Variants in MED12L observed in about 807,000 individuals in gnomAD.
The protein encoded by MED12L is mediator of RNA polymerase II transcription subunit 12-like protein.
Under a neutral mutation model 281.3 loss-of-function variants are expected in MED12L, and 60 were observed. The observed-to-expected ratio is 0.21, with a 90% confidence interval of 0.17 to 0.26. The LOEUF is 0.26. Among genes scored for constraint, MED12L ranks in the 10% least tolerant of loss-of-function variants. The pLI, the probability that MED12L is intolerant of heterozygous loss-of-function variation, is 1.00. For missense variants in MED12L, 2,146 were observed against 2,680.9 expected (o/e 0.80, Z 4.41); for synonymous variants, 974 against 987.2 (o/e 0.99, Z 0.25).
At chr3:151,157,642 T>C (rs934044079) in intron 6 of MED12L, among the ~76,000 whole-genome samples, 7 of 152,216 alleles carry the variant, frequency 4.6e-5, no homozygotes, top group African/African-American at 7.2e-5. Context: ...TTTTTAACTA[T>C]TTTTGACTGT....
chr3:151,296,909 A>G (rs1745178087), intron 16 of MED12L, among the ~76,000 whole-genome samples: 1 of 152,202 alleles, frequency 6.6e-6, no homozygotes, highest in South Asian at 2.1e-4. Flanking sequence ...CAGGCAGTTT[A>G]GTGTCTGTTT....
At chr3:151,346,427 C>G (rs1752544630) in intron 16 of MED12L, among the ~76,000 whole-genome samples, 1 of 152,080 alleles carries the variant, frequency 6.6e-6, no homozygotes, top group South Asian at 2.1e-4. Context: ...GGGTCACTTC[C>G]CTATCTTCAC....
At chr3:151,232,156 T>G (rs1178275843) in intron 16 of MED12L, among the ~76,000 whole-genome samples, 1 of 152,154 alleles carries the variant, frequency 6.6e-6, no homozygotes, top group Non-Finnish European at 1.5e-5. Flanking sequence ...TCCTTAAAAT[T>G]GATGTTTCTT....
At chr3:151,114,677 C>A (rs531623055) in intron 2 of MED12L, among the ~76,000 whole-genome samples, 1 of 151,596 alleles carries the variant, frequency 6.6e-6, no homozygotes, top group Non-Finnish European at 1.5e-5. Flanking sequence ...ATCTCTCCCT[C>A]TTATTCTTTC....
chr3:151,320,141 G>A (rs554658534), intron 16 of MED12L, among the ~76,000 whole-genome samples: 1 of 152,198 alleles, frequency 6.6e-6, no homozygotes, highest in African/African-American at 2.4e-5. Flanking sequence ...GTGTGGACCT[G>A]GGGACAGTGT....
intron 16 of MED12L, among the ~76,000 whole-genome samples, chr3:151,266,936 G>A (rs1739946788): frequency 1.3e-5 from 2 of 152,166 alleles, no homozygotes; most frequent in South Asian, 4.1e-4. Flanking sequence ...AATCCATTCT[G>A]TCCTGGAGTG....
intron 16 of MED12L, among the ~76,000 whole-genome samples, chr3:151,238,968 CTGAA>C (rs1234121738): frequency 6.6e-6 from 1 of 152,162 alleles, no homozygotes; most frequent in Non-Finnish European, 1.5e-5. Flanking sequence ...TTTCTCAAAA[CTGAA>C]TGAACTGAGA....
intron 11 of MED12L, among the ~76,000 whole-genome samples, chr3:151,168,098 T>C (rs537810266): frequency 1.3e-5 from 2 of 152,108 alleles, no homozygotes; most frequent in South Asian, 4.2e-4. Context: ...AAGAAAAAAA[T>C]AGGGGTGTTT....
intron 16 of MED12L, among the ~76,000 whole-genome samples, chr3:151,322,682 T>TGA (rs1749130693): frequency 6.6e-6 from 1 of 152,140 alleles, no homozygotes; most frequent in African/African-American, 2.4e-5. Context: ...GGCTATCTCT[T>TGA]CCTCCTTGAA....
At chr3:151,166,069 T>G in intron 11 of MED12L, 87 bp downstream of exon 11, 1 of 1,170,750 alleles carries the variant, frequency 8.5e-7, no homozygotes, top group South Asian at 1.5e-5. Flanking sequence ...TGGCGAAACC[T>G]TTTCTATGAA....
At chr3:151,130,495 A>C (rs1356308467) in intron 5 of MED12L, among the ~76,000 whole-genome samples, 1 of 152,110 alleles carries the variant, frequency 6.6e-6, no homozygotes, top group Non-Finnish European at 1.5e-5. Flanking sequence ...TTCTTCCTCT[A>C]ATGTCAGCTT....
chr3:151,213,884 C>A, intron 16 of MED12L: 4 of 1,614,002 alleles, frequency 2.5e-6, no homozygotes, highest in Non-Finnish European at 3.4e-6. Context: ...AGCATCCATA[C>A]TATCACTGAC....
chr3:151,292,890 G>A (rs1402505613), intron 16 of MED12L, among the ~76,000 whole-genome samples: 1 of 152,170 alleles, frequency 6.6e-6, no homozygotes, highest in Admixed American at 6.5e-5. Flanking sequence ...TTCTTAATTA[G>A]CTGATCTAAA....
At chr3:151,369,623 A>T (rs1168740711) in intron 26 of MED12L, 74 bp downstream of exon 26, 2 of 977,154 alleles carry the variant, frequency 2.0e-6, no homozygotes, top group Non-Finnish European at 3.1e-6. Flanking sequence ...TTTCAGGTTT[A>T]AATCTAGTAG....
At chr3:151,156,401 TG>T (rs1006635931) in intron 6 of MED12L, 71 bp downstream of exon 6, 2 of 1,422,206 alleles carry the variant, frequency 1.4e-6, no homozygotes, top group African/African-American at 2.9e-5. Context: ...TATAGTTTGG[TG>T]TTCTGGGGTT....
intron 26 of MED12L, among the ~76,000 whole-genome samples, chr3:151,370,679 A>G (rs1282244288): frequency 6.6e-6 from 1 of 152,190 alleles, no homozygotes; most frequent in East Asian, 1.9e-4. Context: ...GGTCGGTTCT[A>G]CTTAATAAAT....
rs1727552919 is a variant in MED12L at position 151,213,507 on chromosome 3, T to TTTTGACTGGCAGC, written c.2250+19843_2250+19855dup. ...ATTCTTTCATATACCGCAAGATTTC[T>TTTTGACTGGCAGC]TTTGACTGGCAGCTGTAATGAGCTT... On this transcript the variant is annotated intron_variant, in intron 16 of 44. Coordinates refer to ENST00000687756, the MANE Select transcript of MED12L (RefSeq NM_001393769.1). 1.9e-6 allele frequency: 3 copies of TTTTGACTGGCAGC among 1,614,048 alleles called. No homozygotes were observed. In the Admixed American group the frequency reaches 5.0e-5, roughly 27 times the overall value.
chr3:151,382,320 C>T (rs749422190), intron 32 of MED12L, among the ~76,000 whole-genome samples: 3 of 152,066 alleles, frequency 2.0e-5, no homozygotes, highest in Non-Finnish European at 4.4e-5. Context: ...TCTCTCTCTC[C>T]AGTGTTTTTC....
intron 16 of MED12L, 140 bp from the exon 17 acceptor site, chr3:151,349,919 G>T: frequency 1.7e-6 from 1 of 582,358 alleles, no homozygotes; most frequent in Non-Finnish European, 2.9e-6. Context: ...GCCAGTGGAG[G>T]TTGAGGTGAA....
Sources: allele counts gnomAD v4.1 joint callset (sites outside exome capture counted in the v4.1 genomes callset), GRCh38; gene constraint gnomAD v4.1.1; transcripts MANE v1.5; gene names NCBI Gene and HGNC (gene_info 2026-07-23, HGNC 2026-07-21).